Variants in SAMMSON observed in about 807,000 individuals in gnomAD.
The protein encoded by SAMMSON is long intergenic non-protein coding RNA 1212.
At chr3:70,162,599 T>C (rs1453667401) in intron 4 of SAMMSON, among the ~76,000 whole-genome samples, 1 of 151,974 alleles carries the variant, frequency 6.6e-6, no homozygotes, top group African/African-American at 2.4e-5. Flanking sequence ...GAAGTAAATA[T>C]GTATTCTGCT....
chr3:70,010,866 A>C (rs1049171794), intron 1 of SAMMSON, among the ~76,000 whole-genome samples: 1 of 152,112 alleles, frequency 6.6e-6, no homozygotes, highest in Non-Finnish European at 1.5e-5. Flanking sequence ...AACAGGGGAA[A>C]TGCCAGACGC....
intron 6 of SAMMSON, among the ~76,000 whole-genome samples, chr3:70,272,737 A>G (rs1416196706): frequency 6.6e-6 from 1 of 152,222 alleles, no homozygotes; most frequent in Non-Finnish European, 1.5e-5. Context: ...ATGTACAAAC[A>G]TTATTATCCT....
chr3:70,220,410 C>T (rs532929865), intron 4 of SAMMSON, among the ~76,000 whole-genome samples: 1 of 151,954 alleles, frequency 6.6e-6, no homozygotes. Context: ...CTCCACTCCA[C>T]CTGGGAGACA....
At chr3:70,349,524 G>C (rs1702775819) in intron 7 of SAMMSON, among the ~76,000 whole-genome samples, 1 of 152,118 alleles carries the variant, frequency 6.6e-6, no homozygotes, top group African/African-American at 2.4e-5. Context: ...TTTCTCACCT[G>C]TATTATACTT....
At chr3:70,398,490 T>G (rs1335540622) in intron 2 of SAMMSON, among the ~76,000 whole-genome samples, 1 of 152,202 alleles carries the variant, frequency 6.6e-6, no homozygotes, top group Admixed American at 6.5e-5. Context: ...CATAGCACAT[T>G]CTTATTACTA....
intron 4 of SAMMSON, among the ~76,000 whole-genome samples, chr3:70,215,182 G>A (rs1324680582): frequency 6.6e-6 from 1 of 152,074 alleles, no homozygotes; most frequent in East Asian, 1.9e-4. Context: ...GTTTTGCAAA[G>A]TATTATTATC....
intron 9 of SAMMSON, among the ~76,000 whole-genome samples, chr3:70,385,503 G>A (rs9881671): frequency 0.11 from 17,073 of 151,900 alleles, 1,383 homozygotes; most frequent in East Asian, 0.45. Flanking sequence ...TTGAAATGTC[G>A]GGTTACATAC....
chr3:70,162,705 T>G (rs1395660895), intron 4 of SAMMSON, among the ~76,000 whole-genome samples: 1 of 151,916 alleles, frequency 6.6e-6, no homozygotes, highest in Non-Finnish European at 1.5e-5. Flanking sequence ...TATGTCTAAT[T>G]GTTCTATCAG....
intron 4 of SAMMSON, among the ~76,000 whole-genome samples, chr3:70,165,792 G>T (rs900873468): frequency 3.3e-5 from 5 of 151,906 alleles, no homozygotes; most frequent in Non-Finnish European, 5.9e-5. Flanking sequence ...CTTATAGGAC[G>T]TGGTGTCATG....
chr3:70,396,826 T>C (rs1008411), intron 2 of SAMMSON, among the ~76,000 whole-genome samples: 131,148 of 152,222 alleles, frequency 0.86, 56,776 homozygotes, highest in East Asian at 0.96. Flanking sequence ...CTCCAGTTAT[T>C]GTGTTGGGAA....
chr3:70,142,800 G>C (rs558937295), intron 4 of SAMMSON, among the ~76,000 whole-genome samples: 2 of 152,292 alleles, frequency 1.3e-5, no homozygotes, highest in South Asian at 4.1e-4. Context: ...GGTTTCAGTA[G>C]TGGATAAGAC....
At chr3:70,037,914 A>C (rs2067092206) in intron 3 of SAMMSON, among the ~76,000 whole-genome samples, 1 of 152,186 alleles carries the variant, frequency 6.6e-6, no homozygotes, top group Non-Finnish European at 1.5e-5. Flanking sequence ...AAAGATTTGA[A>C]TGCCATACTA....
chr3:70,056,007 A>G (rs2067165335), intron 3 of SAMMSON, among the ~76,000 whole-genome samples: 2 of 152,170 alleles, frequency 1.3e-5, no homozygotes, highest in South Asian at 4.1e-4. Flanking sequence ...CTGAAAGAAG[A>G]GAGCAATATT....
intron 7 of SAMMSON, among the ~76,000 whole-genome samples, chr3:70,336,045 C>G (rs1702657799): frequency 6.6e-6 from 1 of 151,968 alleles, no homozygotes. Context: ...AAAAGAACCT[C>G]ATATTCTAAA....
At chr3:70,429,760 T>C (rs1701398932) in intron 2 of SAMMSON, among the ~76,000 whole-genome samples, 4 of 152,168 alleles carry the variant, frequency 2.6e-5, no homozygotes, top group Admixed American at 2.0e-4. Context: ...ATGATTTGGC[T>C]CTCTGTCTAC....
At chr3:70,289,123 G>C (rs1702199529) in intron 6 of SAMMSON, among the ~76,000 whole-genome samples, 1 of 151,310 alleles carries the variant, frequency 6.6e-6, no homozygotes, top group Non-Finnish European at 1.5e-5. Flanking sequence ...TGGTGATTTT[G>C]CTCGTTAGTT....
At chr3:70,082,645 T>TGAAC (rs1410914370) in intron 4 of SAMMSON, among the ~76,000 whole-genome samples, 5 of 152,330 alleles carry the variant, frequency 3.3e-5, no homozygotes, top group Admixed American at 2.0e-4. Flanking sequence ...TGGAGTGGTA[T>TGAAC]GAACAGATGT....
In SAMMSON at chr3:70,115,989, G is replaced by A. The variant is rs186163716; in HGVS notation, n.507+44424G>A. Among the ~76,000 whole-genome samples the A allele has an allele frequency of 3.5e-4, 53 of 149,628 alleles. 1 individual carries two copies. The highest frequency in any genetic ancestry group is 3.2e-3 in the Admixed American group (48 of 14,922). On this transcript the variant is annotated intron_variant and non_coding_transcript_variant, in intron 4 of 9. Transcript: ENST00000642114. ...ATTGAACTCAGGAACACATCCCGTA[G>A]GTCTTGTGTAAGTTTGGAATATGTA...
intron 4 of SAMMSON, among the ~76,000 whole-genome samples, chr3:70,158,168 C>T (rs2067599748): frequency 6.6e-6 from 1 of 151,956 alleles, no homozygotes; most frequent in Admixed American, 6.6e-5. Context: ...TTTTATCATC[C>T]TGGCATGATT....
Sources: allele counts gnomAD v4.1 joint callset (sites outside exome capture counted in the v4.1 genomes callset), GRCh38; gene constraint gnomAD v4.1.1; transcripts MANE v1.5; gene names NCBI Gene and HGNC (gene_info 2026-07-23, HGNC 2026-07-21).